KIAA1217: variants seen among roughly 807,000 people sequenced by gnomAD.
KIAA1217 encodes sickle tail protein homolog.
Under a neutral mutation model 163.9 loss-of-function variants are expected in KIAA1217, and 88 were observed. The observed-to-expected ratio is 0.54, with a 90% CI of 0.45 to 0.64. The LOEUF is 0.64. KIAA1217 is among the 30% of genes least tolerant of loss of function. KIAA1217 has a pLI of 0.00. For synonymous variants in KIAA1217, 903 were observed against 923.1 expected (o/e 0.98, Z 0.39); for missense variants, 2,372 against 2,475.0 (o/e 0.96, Z 0.88).
At chr10:24,084,910 CTT>C (rs1197313508) in intron 2 of KIAA1217, among the ~76,000 whole-genome samples, 3,143 of 123,666 alleles carry the variant, frequency 0.025, 22 homozygotes, top group Middle Eastern at 0.05. Flanking sequence ...GCAGAGTTTA[CTT>C]TTTTTTTTTT....
intron 1 of KIAA1217, among the ~76,000 whole-genome samples, chr10:24,005,724 C>T (rs1846962871): frequency 6.6e-6 from 1 of 152,154 alleles, no homozygotes; most frequent in Non-Finnish European, 1.5e-5. Context: ...TAGTGATATT[C>T]AATTTTCAGT....
At chr10:24,480,821 A>G (rs1456335213) in intron 6 of KIAA1217, among the ~76,000 whole-genome samples, 1 of 152,236 alleles carries the variant, frequency 6.6e-6, no homozygotes, top group East Asian at 1.9e-4. Context: ...TGAACACAGA[A>G]TAGAATGAGC....
intron 3 of KIAA1217, among the ~76,000 whole-genome samples, chr10:24,404,953 T>C (rs188798467): frequency 6.6e-6 from 1 of 152,258 alleles, no homozygotes; most frequent in East Asian, 1.9e-4. Context: ...CAGAACGGAT[T>C]AGTAGATGCC....
intron 1 of KIAA1217, among the ~76,000 whole-genome samples, chr10:23,799,174 G>A (rs886975916): frequency 6.6e-6 from 1 of 152,002 alleles, no homozygotes; most frequent in Non-Finnish European, 1.5e-5. Context: ...TTTTACAAGG[G>A]CATCAGTCAT....
At chr10:23,918,668 T>G (rs1842720946) in intron 1 of KIAA1217, among the ~76,000 whole-genome samples, 1 of 152,012 alleles carries the variant, frequency 6.6e-6, no homozygotes, top group Non-Finnish European at 1.5e-5. Flanking sequence ...CAGCACTGGA[T>G]GGACCATGAA....
At chr10:24,525,091 G>T (rs947821868) in intron 13 of KIAA1217, among the ~76,000 whole-genome samples, 2 of 151,952 alleles carry the variant, frequency 1.3e-5, no homozygotes, top group African/African-American at 4.8e-5. Context: ...GGGTGGGGGG[G>T]CAGAGTGGGT....
intron 3 of KIAA1217, among the ~76,000 whole-genome samples, chr10:24,416,897 C>G (rs948657868): frequency 6.6e-6 from 1 of 152,146 alleles, no homozygotes; most frequent in Non-Finnish European, 1.5e-5. Context: ...CAATGTCAGG[C>G]AAGGATTACG....
At chr10:23,807,066 G>T (rs11013717) in intron 1 of KIAA1217, among the ~76,000 whole-genome samples, 28,323 of 152,232 alleles carry the variant, frequency 0.19, 2,791 homozygotes, top group Middle Eastern at 0.27. Flanking sequence ...TGTTGCCTTA[G>T]AGCAGGGAGC....
At chr10:24,422,133 A>C (rs1362201681) in intron 3 of KIAA1217, among the ~76,000 whole-genome samples, 1 of 152,098 alleles carries the variant, frequency 6.6e-6, no homozygotes, top group Non-Finnish European at 1.5e-5. Flanking sequence ...CCATCACCTC[A>C]TGAGACTTAT....
At chr10:24,183,504 T>A (rs2066278168) in intron 2 of KIAA1217, among the ~76,000 whole-genome samples, 2 of 152,322 alleles carry the variant, frequency 1.3e-5, no homozygotes, top group South Asian at 4.1e-4. Context: ...GTCCTAAAAA[T>A]AATTCCCCCA....
chr10:23,971,014 C>T (rs1439558079), intron 1 of KIAA1217, among the ~76,000 whole-genome samples: 1 of 152,150 alleles, frequency 6.6e-6, no homozygotes, highest in Non-Finnish European at 1.5e-5. Flanking sequence ...TGGAAGAGGG[C>T]CAAGCGGGCG....
rs574961608 is a variant in KIAA1217 at position 24,197,283 on chromosome 10, A to G, written c.-170-22343A>G. Among the ~76,000 whole-genome samples the G allele has an allele frequency of 9.2e-5, 14 of 152,344 alleles. No homozygotes were observed. In the South Asian group the frequency reaches 2.9e-3, roughly 32 times the overall value. ...AATTCGGCACCCAGTAATCAATCAG[A>G]GTTGCATATGGTACAAAATTAATGC... On this transcript the variant is annotated intron_variant, in intron 2 of 18. Coordinates refer to the KIAA1217 transcript ENST00000376462.
chr10:24,513,792 A>T (rs892595600), intron 10 of KIAA1217, among the ~76,000 whole-genome samples: 1 of 151,888 alleles, frequency 6.6e-6, no homozygotes, highest in Non-Finnish European at 1.5e-5. Flanking sequence ...CTCTTAAAAA[A>T]AAAAAAAAAA....
rs12247079 is a variant in KIAA1217 at position 24,140,214 on chromosome 10, G to T, written c.-170-79412G>T. The stretch of plus-strand genomic sequence containing the variant: ...CTCTACTAAAAATACAAAAAAATTA[G>T]CTGGGCAAGGTGGCAGGCGCCTGTA... On this transcript the variant is annotated intron_variant, in intron 2 of 18. Transcript: ENST00000376462. Among the ~76,000 whole-genome samples, 461 of 152,080 alleles carry T rather than the reference G, an allele frequency of 3.0e-3. 1 individual carries two copies. Among genetic ancestry groups the T allele is most frequent in the African/African-American group, 0.011 (436 of 41,486 alleles).
At position 24,012,294 on chromosome 10, in the gene KIAA1217, T is replaced by C. The variant is rs117795021; in HGVS notation, c.-171+4920T>C. 5.1e-4 allele frequency among the ~76,000 whole-genome samples: 78 copies of C among 152,218 alleles called. 1 individual carries two copies. Among genetic ancestry groups the C allele is most frequent in the Non-Finnish European group, 7.4e-4 (50 of 67,978 alleles). ...ATCCTAAAGAGAAAACCAAGCCAGG[T>C]AAACCTAGGGTCTTGGCTCCACATC... On this transcript the variant is annotated intron_variant, in intron 2 of 18. Coordinates refer to the KIAA1217 transcript ENST00000376462.
intron 2 of KIAA1217, among the ~76,000 whole-genome samples, chr10:24,295,387 T>G (rs2040467476): frequency 6.6e-6 from 1 of 152,214 alleles, no homozygotes; most frequent in African/African-American, 2.4e-5. Flanking sequence ...CAGATATAAA[T>G]AGTTCAGCAT....
At chr10:24,387,617 CCT>C (rs1269127624) in intron 3 of KIAA1217, among the ~76,000 whole-genome samples, 1 of 152,148 alleles carries the variant, frequency 6.6e-6, no homozygotes, top group Non-Finnish European at 1.5e-5. Flanking sequence ...TCAAATTCTC[CCT>C]GTTTGCAGGT....
At chr10:23,723,749 C>T (rs1837987095) in intron 1 of KIAA1217, among the ~76,000 whole-genome samples, 1 of 152,118 alleles carries the variant, frequency 6.6e-6, no homozygotes, top group African/African-American at 2.4e-5. Context: ...TGTAGTTGTA[C>T]ATACTAGGTT....
At chr10:24,458,681 A>G (rs1213044512) in intron 5 of KIAA1217, among the ~76,000 whole-genome samples, 2 of 152,204 alleles carry the variant, frequency 1.3e-5, no homozygotes, top group Non-Finnish European at 2.9e-5. Context: ...TAATGTATCT[A>G]ATGGGAATGA....
Sources: allele counts gnomAD v4.1 joint callset (sites outside exome capture counted in the v4.1 genomes callset), GRCh38; gene constraint gnomAD v4.1.1; transcripts MANE v1.5; gene names NCBI Gene and HGNC (gene_info 2026-07-23, HGNC 2026-07-21).